Variants in EVI5 observed in about 807,000 individuals in gnomAD.
EVI5 encodes ecotropic viral integration site 5 protein homolog.
A neutral mutation model predicts 112.0 loss-of-function variants in EVI5; 73 were observed. That is an observed-to-expected ratio of 0.65 (90% CI 0.54 to 0.79). The LOEUF (loss-of-function observed/expected upper bound fraction) is 0.79, where lower values mean the gene tolerates loss of function less well. Ranked by LOEUF, EVI5 falls within the 30% of genes least tolerant of loss-of-function variation. The pLI is 0.00. For synonymous variants in EVI5, 305 were observed against 319.9 expected (o/e 0.95, Z 0.50); for missense variants, 900 against 968.8 (o/e 0.93, Z 0.94).
rs757056568 is a variant in EVI5, at chr1:92,780,763, T to G, written c.-82+4073A>C. On this transcript the variant is annotated intron_variant, in intron 1 of 19. Transcript: ENST00000684568. The stretch of plus-strand genomic sequence containing the variant: ...TGGGTCATGCCTAAATCCCAGCACT[T>G]TGGGAGGTCAAAGCAGGTGGAGATC... Among the ~76,000 whole-genome samples the G allele has an allele frequency of 2.6e-5, 4 of 151,970 alleles. No homozygotes were observed. The East Asian group carries it at 7.7e-4, about 29-fold the overall frequency.
chr1:92,607,959 C>T lies in EVI5; in HGVS notation c.1828-232G>A, dbSNP rs528692774. On this transcript the variant is annotated intron_variant, in intron 16 of 19. Transcript: ENST00000684568. ...AGGAGATCAAGACCATCCCGGCTAA[C>T]GCGGTGAAACCCCGTCTCTACTAAA... 1.2e-3 allele frequency among the ~76,000 whole-genome samples: 178 copies of T among 151,698 alleles called. 1 individual carries two copies. The highest frequency in any genetic ancestry group is 4.1e-3 in the African/African-American group (171 of 41,356).
chr1:92,774,045 CAAAA>C (rs1238529364), intron 1 of EVI5: 1 of 140,936 alleles, frequency 7.1e-6, no homozygotes, highest in Non-Finnish European at 1.6e-5. Flanking sequence ...AAAAAAAAAA[CAAAA>C]AAAAACTTAC....
At chr1:92,623,191 T>C (rs1216144817) in intron 16 of EVI5, among the ~76,000 whole-genome samples, 1 of 152,222 alleles carries the variant, frequency 6.6e-6, no homozygotes, top group Non-Finnish European at 1.5e-5. Context: ...CCTCTTCCTA[T>C]TTTAATTATA....
intron 19 of EVI5, among the ~76,000 whole-genome samples, chr1:92,516,060 A>G (rs1659817549): frequency 6.6e-6 from 1 of 152,220 alleles, no homozygotes; most frequent in African/African-American, 2.4e-5. Flanking sequence ...GGCCTCCTCA[A>G]GGTTATGATA....
At chr1:92,651,648 G>A (rs977462918) in intron 13 of EVI5, among the ~76,000 whole-genome samples, 2 of 148,536 alleles carry the variant, frequency 1.3e-5, no homozygotes, top group Non-Finnish European at 3.0e-5. Flanking sequence ...TCAGGAGATC[G>A]AGACCATCCC....
At chr1:92,756,159 T>A (rs1680921428) in intron 1 of EVI5, 1 of 383,022 alleles carries the variant, frequency 2.6e-6, no homozygotes, top group African/African-American at 2.1e-5. Context: ...CTAATATGAA[T>A]GTAGTATTAA....
intron 1 of EVI5, among the ~76,000 whole-genome samples, chr1:92,772,002 A>C (rs552557273): frequency 6.6e-6 from 1 of 151,920 alleles, no homozygotes; most frequent in Non-Finnish European, 1.5e-5. Context: ...TTACAGGCAC[A>C]CACCACCACG....
chr1:92,522,179 C>A (rs1280230568), intron 19 of EVI5, among the ~76,000 whole-genome samples: 1 of 152,182 alleles, frequency 6.6e-6, no homozygotes, highest in Non-Finnish European at 1.5e-5. Context: ...CACAATAGCA[C>A]TGCCATGAAC....
chr1:92,719,796 C>A lies in EVI5; in HGVS notation c.150-15052G>T, dbSNP rs1674425219. On this transcript the variant is annotated intron_variant, in intron 2 of 19. Transcript: ENST00000684568. ...ATGACGTGATTGTATATTTGTAAAA[C>A]CCCATTGTCTCAGCCCAAAATCTCC... Among the ~76,000 whole-genome samples, 3 of 152,138 alleles carry A rather than the reference C, an allele frequency of 2.0e-5. No homozygotes were observed. The South Asian group carries it at 6.2e-4, about 32-fold the overall frequency.
intron 1 of EVI5, among the ~76,000 whole-genome samples, chr1:92,791,735 C>T (rs1487676927): frequency 1.3e-5 from 2 of 151,200 alleles, no homozygotes; most frequent in East Asian, 3.9e-4. Flanking sequence ...TTAGCAGTTT[C>T]TCCCACCTCC....
At chr1:92,708,513 A>G (rs1269078291) in intron 2 of EVI5, among the ~76,000 whole-genome samples, 6 of 152,168 alleles carry the variant, frequency 3.9e-5, no homozygotes, top group African/African-American at 4.8e-5. Context: ...GAACTCTCAT[A>G]CACTACTTGT....
At chr1:92,654,102 C>A (rs1052299269) in intron 13 of EVI5, among the ~76,000 whole-genome samples, 1 of 151,958 alleles carries the variant, frequency 6.6e-6, no homozygotes, top group Non-Finnish European at 1.5e-5. Context: ...CTGACTTGTC[C>A]CCTGCTAGGG....
At chr1:92,755,271 G>A (rs1259477815) in intron 1 of EVI5, among the ~76,000 whole-genome samples, 3 of 151,814 alleles carry the variant, frequency 2.0e-5, no homozygotes, top group Admixed American at 6.6e-5. Context: ...TTAGCCGGAC[G>A]TGGGTGGCAC....
At chr1:92,753,154 A>C (rs1680450373) in intron 1 of EVI5, among the ~76,000 whole-genome samples, 1 of 152,112 alleles carries the variant, frequency 6.6e-6, no homozygotes, top group Non-Finnish European at 1.5e-5. Flanking sequence ...AAAGAAGGAA[A>C]ATGTACAAAG....
At chr1:92,546,792 G>C (rs893879864) in intron 19 of EVI5, among the ~76,000 whole-genome samples, 2 of 152,126 alleles carry the variant, frequency 1.3e-5, no homozygotes, top group African/African-American at 2.4e-5. Flanking sequence ...TCAACAAGAA[G>C]AGCTAACTAT....
At chr1:92,529,992 TTAGAGC>T (rs1662585480) in intron 19 of EVI5, among the ~76,000 whole-genome samples, 1 of 152,184 alleles carries the variant, frequency 6.6e-6, no homozygotes, top group Admixed American at 6.5e-5. Flanking sequence ...TGATTTGACA[TTAGAGC>T]TAAATATTTA....
intron 2 of EVI5, among the ~76,000 whole-genome samples, chr1:92,707,110 C>T (rs561998057): frequency 1.9e-4 from 26 of 134,432 alleles, no homozygotes; most frequent in African/African-American, 7.3e-4. Context: ...ACCTGGGAGG[C>T]GGAGGTTGCG....
intron 1 of EVI5, among the ~76,000 whole-genome samples, chr1:92,771,371 C>A (rs1016795006): frequency 6.6e-6 from 1 of 152,000 alleles, no homozygotes; most frequent in African/African-American, 2.4e-5. Flanking sequence ...TTACTACTTA[C>A]AAACAAAATG....
intron 6 of EVI5, among the ~76,000 whole-genome samples, chr1:92,696,913 ACCTGTAGTC>A (rs971763279): frequency 3.9e-5 from 6 of 151,974 alleles, no homozygotes; most frequent in Non-Finnish European, 7.4e-5. Context: ...GGTGGCAGGC[ACCTGTAGTC>A]CCAGCTACTT....
Sources: allele counts gnomAD v4.1 joint callset (sites outside exome capture counted in the v4.1 genomes callset), GRCh38; gene constraint gnomAD v4.1.1; transcripts MANE v1.5; gene names NCBI Gene and HGNC (gene_info 2026-07-23, HGNC 2026-07-21).